The following PRKCE variants were observed in gnomAD, a reference collection of about 807,000 sequenced individuals.
PRKCE encodes the protein protein kinase C epsilon type.
A neutral mutation model predicts 85.4 loss-of-function variants in PRKCE; 16 were observed. That is an observed-to-expected ratio of 0.19 (90% CI 0.13 to 0.28). The LOEUF is 0.28. PRKCE is among the 10% of genes least tolerant of loss of function. PRKCE has a pLI of 1.00. For synonymous variants in PRKCE, 388 were observed against 371.5 expected, an observed-to-expected ratio of 1.04 and a Z score of -0.51; for missense variants, 573 against 975.2, an observed-to-expected ratio of 0.59 and a Z score of 5.49.
At chr2:45,941,080 A>AAAAAAAAAAC in intron 2 of PRKCE, among the ~76,000 whole-genome samples, 1 of 150,342 alleles carries the variant, frequency 6.7e-6, no homozygotes, top group Non-Finnish European at 1.5e-5. Context: ...AAAAAAAAAA[A>AAAAAAAAAAC]AAAAAAAGAT....
rs1012967510 is a variant in PRKCE, at chr2:46,145,720, T to C, written c.1731+489T>C. On this transcript the variant is annotated intron_variant, in intron 12 of 14. Transcript: ENST00000306156. The surrounding 1 kb of genome is among the most constrained non-coding windows in gnomAD (Gnocchi z 4.6). ...CTGTCTATATAAAAAATACAAAAAT[T>C]AGCCAGGCATAGTGGTGCAAACCTG... Among the ~76,000 whole-genome samples the C allele has an allele frequency of 9.2e-5, 14 of 151,928 alleles. No individual in the cohort carries two copies. Among genetic ancestry groups the C allele is most frequent in the Admixed American group, 9.2e-4 (14 of 15,254 alleles).
At chr2:45,800,993 A>G (rs1207288752) in intron 1 of PRKCE, among the ~76,000 whole-genome samples, 1 of 152,174 alleles carries the variant, frequency 6.6e-6, no homozygotes, top group Non-Finnish European at 1.5e-5. Flanking sequence ...AAGATTCCTC[A>G]ACAAGTCTCA....
chr2:45,901,877 C>T (rs957327491), intron 2 of PRKCE, among the ~76,000 whole-genome samples: 2 of 152,110 alleles, frequency 1.3e-5, no homozygotes, highest in South Asian at 2.1e-4. Context: ...CAGCCAGGTG[C>T]GGTAAAAGAG....
At chr2:45,922,324 G>T (rs1328222689) in intron 2 of PRKCE, among the ~76,000 whole-genome samples, 1 of 152,150 alleles carries the variant, frequency 6.6e-6, no homozygotes, top group African/African-American at 2.4e-5. Context: ...AGCTGGACTA[G>T]AGGCCCCAAA....
intron 1 of PRKCE, among the ~76,000 whole-genome samples, chr2:45,824,335 C>T (rs975201362): frequency 2.6e-5 from 4 of 152,180 alleles, no homozygotes; most frequent in African/African-American, 9.7e-5. Flanking sequence ...CTTTCCAAAG[C>T]CCTTACCATT....
chr2:45,884,131 C>T (rs1695073736), intron 2 of PRKCE, among the ~76,000 whole-genome samples: 1 of 152,158 alleles, frequency 6.6e-6, no homozygotes, highest in African/African-American at 2.4e-5. Flanking sequence ...ACATCTGTAT[C>T]CTGAAACCAA....
intron 1 of PRKCE, among the ~76,000 whole-genome samples, chr2:45,725,498 T>C (rs1488719186): frequency 1.3e-5 from 2 of 152,164 alleles, no homozygotes; most frequent in Non-Finnish European, 2.9e-5. Context: ...ATTTCTCTGA[T>C]GGATTGGGGC....
Position 45,794,613 on chromosome 2 carries a change from C to G in PRKCE, c.349-48387C>G, listed in dbSNP as rs73926095. Among the ~76,000 whole-genome samples the G allele has an allele frequency of 5.7e-3, 862 of 152,228 alleles. 2 individuals carry two copies. Among genetic ancestry groups the G allele is most frequent in the African/African-American group, 0.02 (819 of 41,532 alleles). The stretch of plus-strand genomic sequence containing the variant: ...AATCTCAGGAAGGGCATGGATCTCG[C>G]CTGACAGCCCCGTCTCTGGAGGGAG... On this transcript the variant is annotated intron_variant, in intron 1 of 14. Transcript: ENST00000306156.
intron 11 of PRKCE, among the ~76,000 whole-genome samples, chr2:46,088,270 A>G (rs547286354): frequency 1.3e-5 from 2 of 152,202 alleles, no homozygotes; most frequent in African/African-American, 2.4e-5. Flanking sequence ...AAAGTTTCTT[A>G]GCTTTTCTCA....
At chr2:45,936,219 C>T (rs550660041) in intron 2 of PRKCE, among the ~76,000 whole-genome samples, 3 of 152,250 alleles carry the variant, frequency 2.0e-5, no homozygotes, top group South Asian at 2.1e-4. Flanking sequence ...CCCCAAGCAC[C>T]CCTTGGGGGT....
chr2:45,830,987 A>G (rs1218552396), intron 1 of PRKCE, among the ~76,000 whole-genome samples: 1 of 152,368 alleles, frequency 6.6e-6, no homozygotes. Context: ...ACCCAGCAGA[A>G]CAGTGAGGAG....
chr2:45,935,882 TG>T (rs953410857), intron 2 of PRKCE, among the ~76,000 whole-genome samples: 1 of 152,176 alleles, frequency 6.6e-6, no homozygotes, highest in Non-Finnish European at 1.5e-5. Context: ...TGTGTGCACC[TG>T]GACCCATTGT....
intron 1 of PRKCE, among the ~76,000 whole-genome samples, chr2:45,812,170 T>A (rs1688699073): frequency 6.6e-6 from 1 of 152,222 alleles, no homozygotes; most frequent in Admixed American, 6.5e-5. Context: ...TTCACTACAC[T>A]TGTTCTACTT....
At chr2:45,991,191 G>T (rs567238040) in intron 6 of PRKCE, among the ~76,000 whole-genome samples, 40 of 151,448 alleles carry the variant, frequency 2.6e-4, no homozygotes, top group African/African-American at 9.5e-4. Context: ...ATTTTTAGTA[G>T]AGATGGGGTT....
intron 1 of PRKCE, chr2:45,675,407 C>T (rs186596053): frequency 6.6e-6 from 1 of 152,178 alleles, no homozygotes; most frequent in African/African-American, 2.4e-5. Flanking sequence ...CACTTGTGAC[C>T]AGCTTTGGGG....
intron 12 of PRKCE, among the ~76,000 whole-genome samples, chr2:46,150,506 G>C (rs117822207): frequency 2.0e-5 from 3 of 152,290 alleles, no homozygotes; most frequent in East Asian, 1.9e-4. Context: ...ATTACAGGGT[G>C]GGGGAGACTT....
intron 10 of PRKCE, among the ~76,000 whole-genome samples, chr2:46,063,247 G>T (rs1478415393): frequency 6.6e-6 from 1 of 151,870 alleles, no homozygotes; most frequent in East Asian, 1.9e-4. Flanking sequence ...AATGCTTTAG[G>T]CTTAGATAGC....
chr2:45,817,260 A>C (rs1573472820), intron 1 of PRKCE, among the ~76,000 whole-genome samples: 2 of 152,334 alleles, frequency 1.3e-5, no homozygotes, highest in South Asian at 4.1e-4. Flanking sequence ...CAGTTTATCA[A>C]GTACCAACTT....
chr2:45,885,002 T>TGTTG lies in PRKCE; in HGVS notation c.412+41939_412+41940insGTTG, dbSNP rs1553440407. 4.1e-3 allele frequency among the ~76,000 whole-genome samples: 403 copies of TGTTG among 97,646 alleles called. 24 individuals carry two copies. Among genetic ancestry groups the TGTTG allele is most frequent in the Admixed American group, 0.011 (97 of 8,624 alleles). 64.1% of individuals were successfully genotyped at this position (97,646 alleles called of 152,430 possible). A position where few individuals can be genotyped will look rare whatever the true frequency, so the allele number is the denominator to read the frequency against. ...ATATATATATATATATATATATATA[T>TGTTG]TTGTTGTTGTTGTTGTTGTTTTACC... On this transcript the variant is annotated intron_variant, in intron 2 of 14. Coordinates refer to ENST00000306156, the MANE Select transcript of PRKCE (RefSeq NM_005400.3).
Sources: gnomAD v4.1 joint callset for allele counts (sites outside exome capture counted in the v4.1 genomes callset) on GRCh38, gnomAD v4.1.1 for gene constraint, Gnocchi (gnomAD v3.1) non-coding constraint, MANE v1.5 for transcripts, NCBI Gene and HGNC (gene_info 2026-07-23, HGNC 2026-07-21) for gene names.